FSTL5: variants seen among roughly 807,000 people sequenced by gnomAD.
FSTL5 encodes the protein follistatin like 5, also known as follistatin-related protein 5.
A neutral mutation model predicts 89.1 loss-of-function variants in FSTL5; 62 were observed. The observed-to-expected ratio is 0.70, with a 90% confidence interval of 0.57 to 0.86. The LOEUF is 0.86. FSTL5 is among the 40% of genes least tolerant of loss of function. The probability of loss-of-function intolerance (pLI) is 0.00; values close to 1 mark genes in which losing one functional copy is unlikely to be tolerated. For missense variants in FSTL5, 1,057 were observed against 1,001.6 expected (o/e 1.06, Z -0.75); for synonymous variants, 383 against 346.2 (o/e 1.11, Z -1.18).
chr4:161,541,531 T>A (rs1490175214), intron 9 of FSTL5, among the ~76,000 whole-genome samples: 1 of 152,066 alleles, frequency 6.6e-6, no homozygotes, highest in East Asian at 1.9e-4. Context: ...GTATGCACAT[T>A]AGTGATTTCT....
chr4:162,124,706 T>C (rs2111441910), intron 1 of FSTL5, among the ~76,000 whole-genome samples: 1 of 149,888 alleles, frequency 6.7e-6, no homozygotes, highest in East Asian at 2.0e-4. Flanking sequence ...TTTTTTTGTT[T>C]GTTTTTTTTC....
intron 1 of FSTL5, among the ~76,000 whole-genome samples, chr4:162,141,080 G>C (rs1273135793): frequency 6.9e-6 from 1 of 144,992 alleles, no homozygotes; most frequent in Non-Finnish European, 1.5e-5. Flanking sequence ...GGTTGCTTAA[G>C]AGTGTGGCAC....
At chr4:161,735,100 A>G (rs1473310735) in intron 6 of FSTL5, among the ~76,000 whole-genome samples, 2 of 152,164 alleles carry the variant, frequency 1.3e-5, no homozygotes. Flanking sequence ...TACGGGCTAT[A>G]AATCAGGGTT....
chr4:161,600,158 A>AACACACACACACACACACACAC (rs71598717), intron 7 of FSTL5, among the ~76,000 whole-genome samples: 4 of 142,066 alleles, frequency 2.8e-5, no homozygotes, highest in Admixed American at 1.4e-4. Context: ...AATGTCAATA[A>AACACACACACACACACACACAC]ACACACACAC....
chr4:161,935,985 C>T (rs1191852803), intron 3 of FSTL5, among the ~76,000 whole-genome samples: 1 of 152,144 alleles, frequency 6.6e-6, no homozygotes, highest in Non-Finnish European at 1.5e-5. Flanking sequence ...GAGGACGAGA[C>T]CAGCCTGGCC....
At chr4:162,126,706 GATTTC>G (rs576997833) in intron 1 of FSTL5, among the ~76,000 whole-genome samples, 138 of 152,058 alleles carry the variant, frequency 9.1e-4, no homozygotes, top group African/African-American at 3.2e-3. Context: ...AACTTATTCT[GATTTC>G]ATTTTGTAAT....
chr4:161,588,973 T>C (rs1313872014), intron 7 of FSTL5, among the ~76,000 whole-genome samples: 1 of 151,580 alleles, frequency 6.6e-6, no homozygotes, highest in Non-Finnish European at 1.5e-5. Context: ...AAGTTCACTC[T>C]GTGTAAAGAG....
chr4:161,640,666 T>C (rs1324381393), intron 7 of FSTL5, among the ~76,000 whole-genome samples: 3 of 147,018 alleles, frequency 2.0e-5, no homozygotes, highest in South Asian at 2.1e-4. Flanking sequence ...GTCTACATGA[T>C]TTGTAGAATA....
intron 6 of FSTL5, among the ~76,000 whole-genome samples, chr4:161,735,490 G>T (rs1034509542): frequency 1.3e-5 from 2 of 152,192 alleles, no homozygotes; most frequent in Non-Finnish European, 2.9e-5. Flanking sequence ...CTAGGTAAAT[G>T]AAGTTAAATA....
At position 161,717,757 on chromosome 4, in the gene FSTL5, T is replaced by G. The variant is rs528652977; in HGVS notation, c.727+41654A>C. Among the ~76,000 whole-genome samples the G allele has an allele frequency of 5.6e-4, 86 of 152,336 alleles. 2 individuals are homozygous for G. The South Asian group carries it at 0.016, about 29-fold the overall frequency. ...CCAAAATATTAGCATGAAATGATAT[T>G]GTTAAATCATTTCATTTTTTGATAA... is the stretch of plus-strand genomic sequence containing the variant. On this transcript the variant is annotated intron_variant, in intron 6 of 15. Coordinates refer to ENST00000306100, the MANE Select transcript of FSTL5 (RefSeq NM_020116.5).
chr4:161,929,685 G>A (rs1371875), intron 3 of FSTL5, among the ~76,000 whole-genome samples: 3,204 of 149,040 alleles, frequency 0.021, 84 homozygotes, highest in African/African-American at 0.055. Context: ...GTGTGTGTGT[G>A]TGTGTGTGTG....
At chr4:161,959,242 T>C (rs1271960829) in intron 3 of FSTL5, among the ~76,000 whole-genome samples, 2 of 152,160 alleles carry the variant, frequency 1.3e-5, no homozygotes, top group African/African-American at 2.4e-5. Flanking sequence ...AGAACATTTA[T>C]TGTGTTACGA....
intron 1 of FSTL5, among the ~76,000 whole-genome samples, chr4:162,143,678 C>T (rs999823261): frequency 6.7e-6 from 1 of 150,230 alleles, no homozygotes; most frequent in Non-Finnish European, 1.5e-5. Flanking sequence ...GGCTTAGAAT[C>T]CTAAATCCTA....
intron 15 of FSTL5, among the ~76,000 whole-genome samples, chr4:161,450,002 T>G (rs1233576519): frequency 6.6e-6 from 1 of 152,158 alleles, no homozygotes; most frequent in Non-Finnish European, 1.5e-5. Context: ...TGCACTCAGA[T>G]TTCTTACATT....
intron 3 of FSTL5, among the ~76,000 whole-genome samples, chr4:161,943,181 C>G (rs1186172941): frequency 1.3e-5 from 2 of 151,878 alleles, no homozygotes; most frequent in Admixed American, 6.6e-5. Flanking sequence ...ATCAAATTAC[C>G]TATCAAAATG....
intron 6 of FSTL5, among the ~76,000 whole-genome samples, chr4:161,681,191 C>G (rs575457414): frequency 6.6e-6 from 1 of 151,984 alleles, no homozygotes; most frequent in Non-Finnish European, 1.5e-5. Flanking sequence ...AATTATTAAA[C>G]TAAATATGTT....
chr4:161,507,918 A>G (rs1297376800), intron 11 of FSTL5, among the ~76,000 whole-genome samples: 3 of 151,990 alleles, frequency 2.0e-5, no homozygotes, highest in African/African-American at 7.2e-5. Context: ...TAAGTGACCT[A>G]CATTCTAAGG....
At chr4:161,901,665 G>A (rs768121890) in intron 4 of FSTL5, among the ~76,000 whole-genome samples, 2 of 152,180 alleles carry the variant, frequency 1.3e-5, no homozygotes, top group Admixed American at 6.5e-5. Flanking sequence ...CGGGCATGGT[G>A]GCTCACACCT....
chr4:161,829,771 C>A lies in FSTL5; in HGVS notation c.410-53697G>T, dbSNP rs536865661. On this transcript the variant is annotated intron_variant, in intron 4 of 15. Coordinates refer to ENST00000306100, the MANE Select transcript of FSTL5 (RefSeq NM_020116.5). ...CATAATGGATATAGTTTTGGATTCA[C>A]ATTTTGCCACCTGCCTTTACACAAG... Among the ~76,000 whole-genome samples the A allele has an allele frequency of 5.9e-5, 9 of 152,204 alleles. No individual in the cohort carries two copies. In the South Asian group the frequency reaches 1.9e-3, roughly 32 times the overall value.
Sources: gnomAD v4.1 joint callset for allele counts (sites outside exome capture counted in the v4.1 genomes callset) on GRCh38, gnomAD v4.1.1 for gene constraint, MANE v1.5 for transcripts, NCBI Gene and HGNC (gene_info 2026-07-23, HGNC 2026-07-21) for gene names.